Variants in ANXA2 observed in about 807,000 individuals in gnomAD.
ANXA2 encodes the protein annexin II.
ANXA2 carries 28 observed loss-of-function variants against 47.3 expected under a neutral mutation model. The observed-to-expected ratio is 0.59, with a 90% CI of 0.44 to 0.81. ANXA2 has a LOEUF of 0.81. Among genes scored for constraint, ANXA2 ranks in the 40% least tolerant of loss-of-function variants. The pLI is 0.00. For synonymous variants in ANXA2, 172 were observed against 155.5 expected (o/e 1.11, Z -0.79); for missense variants, 384 against 414.3 (o/e 0.93, Z 0.64).
In ANXA2 at chr15:60,382,479, T is replaced by C. The variant is rs747480107; in HGVS notation, c.49-38A>G. 5.1e-6 allele frequency: 7 copies of C among 1,384,580 alleles called. No homozygotes were observed. In the East Asian group the frequency reaches 1.4e-4, roughly 27 times the overall value. The allele number at this position is 1,384,580 out of a possible 1,614,324, so 85.8% of individuals were successfully genotyped here. A position where few individuals can be genotyped will look rare whatever the true frequency, so the allele number is the denominator to read the frequency against. On this transcript the variant is annotated intron_variant, in intron 2 of 12. Coordinates refer to ENST00000451270, the MANE Select transcript of ANXA2 (RefSeq NM_004039.3). The stretch of plus-strand genomic sequence containing the variant: ...GATAAACATACTCAAATGACACACA[T>C]TTAAAATCCTCTTGTTGAAATAACA...
intron 1 of ANXA2, chr15:60,387,157 G>A (rs1408700570): frequency 6.6e-6 from 1 of 152,214 alleles, no homozygotes; most frequent in African/African-American, 2.4e-5. Context: ...CAGGCCTGGT[G>A]TGGGAAGAAA....
Position 60,367,184 on chromosome 15 carries a change from C to A in ANXA2, c.149-2661G>T, listed in dbSNP as rs1372078921. Among the ~76,000 whole-genome samples the A allele has an allele frequency of 1.9e-4, 12 of 62,490 alleles. 1 individual carries two copies. Among genetic ancestry groups the A allele is most frequent in the Non-Finnish European group, 3.1e-4 (10 of 32,662 alleles). 41.0% of individuals were successfully genotyped at this position (62,490 alleles called of 152,430 possible). On this transcript the variant is annotated intron_variant, in intron 3 of 12. Coordinates refer to ENST00000451270, the MANE Select transcript of ANXA2 (RefSeq NM_004039.3). ...GAGGGGGGAGGGGGGGTCAGCCCCC[C>A]GTCCGGCCAGCCGCCCCGTCCGGGA...
At chr15:60,358,722 G>A (rs1595670410) in intron 5 of ANXA2, among the ~76,000 whole-genome samples, 1 of 152,174 alleles carries the variant, frequency 6.6e-6, no homozygotes, top group East Asian at 1.9e-4. Context: ...CTACACAAAT[G>A]TTATTAAATG....
chr15:60,386,146 A>G, intron 1 of ANXA2, 60 bp from the exon 2 acceptor site: 1 of 1,229,882 alleles, frequency 8.1e-7, no homozygotes. Flanking sequence ...TCTGAAGCAC[A>G]GCGATTCATT....
In ANXA2 at chr15:60,397,943, C is replaced by T; in HGVS notation, c.-12G>A. 1 of 1,299,824 alleles carries T rather than the reference C, an allele frequency of 7.7e-7. No homozygotes were observed. 80.5% of individuals were successfully genotyped at this position (1,299,824 alleles called of 1,614,324 possible). A position where few individuals can be genotyped will look rare whatever the true frequency, so the allele number is the denominator to read the frequency against. ...GGCGGGCAGGGCGCGCCCCGCTTAC[C>T]TGGGCCGTGCGCCGAGAGCTGAGAG... is the stretch of plus-strand genomic sequence containing the variant. On this transcript the variant is annotated splice_region_variant and 5_prime_UTR_variant, in exon 1 of 13. Transcript: ENST00000451270.
chr15:60,382,466 C>T, intron 2 of ANXA2, 25 bp from the exon 3 acceptor site: 1 of 1,476,060 alleles, frequency 6.8e-7, no homozygotes, highest in Non-Finnish European at 9.5e-7. Context: ...TAAACATACT[C>T]AAATGACACA....
chr15:60,362,344 T>C (rs1180370769), intron 4 of ANXA2, among the ~76,000 whole-genome samples: 1 of 152,206 alleles, frequency 6.6e-6, no homozygotes, highest in Admixed American at 6.5e-5. Context: ...CTTATGGGCG[T>C]TCAACTTCCT....
At position 60,361,152 on chromosome 15, in the gene ANXA2, T is replaced by A. The variant is rs2062506695; in HGVS notation, c.244-98A>T. On this transcript the variant is annotated intron_variant, in intron 4 of 12. Coordinates refer to ENST00000451270, the MANE Select transcript of ANXA2 (RefSeq NM_004039.3). ...AGGGATCTTTTTGTGAAGCAGGTTGTGAGTCTTTGACCACTCCGGAGTCTT... is the reference window on the plus strand; with the variant it reads ...AGGGATCTTTTTGTGAAGCAGGTTGAGAGTCTTTGACCACTCCGGAGTCTT... 6 of 848,318 alleles carry A rather than the reference T, an allele frequency of 7.1e-6. No individual in the cohort carries two copies. The South Asian group carries it at 8.7e-5, about 12-fold the overall frequency. The allele number at this position is 848,318 out of a possible 1,614,324, so 52.5% of individuals were successfully genotyped here.
chr15:60,397,823 C>A, intron 1 of ANXA2, 120 bp downstream of exon 1: 1 of 1,368,552 alleles, frequency 7.3e-7, no homozygotes, highest in Non-Finnish European at 9.4e-7. Context: ...CCCCCTGCCC[C>A]CGACGGCCTC....
At chr15:60,368,748 G>C (rs984505758) in intron 3 of ANXA2, among the ~76,000 whole-genome samples, 1 of 152,110 alleles carries the variant, frequency 6.6e-6, no homozygotes, top group African/African-American at 2.4e-5. Flanking sequence ...TCACCATAAT[G>C]ACCATAAATG....
chr15:60,397,859 G>T (rs2063102832), intron 1 of ANXA2, 84 bp downstream of exon 1: 1 of 1,387,578 alleles, frequency 7.2e-7, no homozygotes. Context: ...GGGCCTCCCT[G>T]CCAGGCCGTA....
intron 4 of ANXA2, 42 bp from the exon 5 acceptor site, chr15:60,361,096 C>T: frequency 1.5e-6 from 2 of 1,373,796 alleles, no homozygotes; most frequent in Non-Finnish European, 2.1e-6. Context: ...ATTTATTTTA[C>T]TTTAAAACTA....
chr15:60,350,992 A>G (rs1388441206), intron 11 of ANXA2, among the ~76,000 whole-genome samples: 1 of 152,194 alleles, frequency 6.6e-6, no homozygotes, highest in African/African-American at 2.4e-5. Flanking sequence ...GTACGCAAAT[A>G]CATGTTCAAG....
intron 1 of ANXA2, chr15:60,390,265 A>G: frequency 6.7e-6 from 7 of 1,048,122 alleles, no homozygotes; most frequent in Non-Finnish European, 8.1e-6. Flanking sequence ...TGCCTTTTGT[A>G]TCCATATAAA....
intron 3 of ANXA2, chr15:60,374,685 A>C (rs1379564015): frequency 4.4e-6 from 2 of 456,008 alleles, no homozygotes; most frequent in Non-Finnish European, 8.8e-6. Context: ...TCTGGCACCT[A>C]CATAGATACA....
intron 11 of ANXA2, among the ~76,000 whole-genome samples, chr15:60,350,859 T>C (rs1895976704): frequency 6.6e-6 from 1 of 152,166 alleles, no homozygotes; most frequent in African/African-American, 2.4e-5. Context: ...TAATAATCGC[T>C]CCCTTCCTCG....
At chr15:60,393,465 C>T (rs12911318) in intron 1 of ANXA2, 124,506 of 1,001,868 alleles carry the variant, frequency 0.12, 8,294 homozygotes, top group Middle Eastern at 0.16. Context: ...CTAATGTCAG[C>T]ATTCAAGACC....
chr15:60,353,224 A>G (rs1363474600), intron 8 of ANXA2, among the ~76,000 whole-genome samples: 2 of 152,228 alleles, frequency 1.3e-5, no homozygotes, highest in Non-Finnish European at 2.9e-5. Context: ...CTCTGAGTAA[A>G]GAATATAGTT....
Position 60,349,051 on chromosome 15 carries a change from G to A in ANXA2, c.960+24C>T, listed in dbSNP as rs374373789. On this transcript the variant is annotated intron_variant, in intron 12 of 12. Coordinates refer to ENST00000451270, the MANE Select transcript of ANXA2 (RefSeq NM_004039.3). ...CGGGGTGCTCTGGACGGCAGGGCAG[G>A]CTGACACTGCACCTCGGGCTTACCT... 727 of 1,613,408 alleles carry A rather than the reference G, an allele frequency of 4.5e-4. 2 individuals are homozygous for A. The highest frequency in any genetic ancestry group is 6.4e-5 in the Non-Finnish European group (75 of 1,179,790).
Sources: gnomAD v4.1 joint callset for allele counts (sites outside exome capture counted in the v4.1 genomes callset) on GRCh38, gnomAD v4.1.1 for gene constraint, MANE v1.5 for transcripts, NCBI Gene and HGNC (gene_info 2026-07-23, HGNC 2026-07-21) for gene names.